Variants in SHROOM2 observed in about 807,000 individuals in gnomAD.
SHROOM2 encodes shroom family member 2.
A neutral mutation model predicts 75.9 loss-of-function variants in SHROOM2; 33 were observed. The observed-to-expected ratio is 0.43, with a 90% CI of 0.33 to 0.58. SHROOM2 has a LOEUF of 0.58. SHROOM2 is among the 20% of genes least tolerant of loss of function. The probability of loss-of-function intolerance (pLI) is 0.04; values close to 1 mark genes in which losing one functional copy is unlikely to be tolerated. For missense variants in SHROOM2, 1,434 were observed against 1,461.2 expected (o/e 0.98, Z 0.30); for synonymous variants, 655 against 663.6 (o/e 0.99, Z 0.20).
intron 1 of SHROOM2, 74 bp from the exon 2 acceptor site, chrX:9,873,578 G>A: frequency 8.8e-7 from 1 of 1,132,052 alleles, no homozygotes; most frequent in South Asian, 1.9e-5. Flanking sequence ...TATGTCTGCT[G>A]CGTTCCGAGG....
At chrX:9,877,238 A>G (rs2084205829) in intron 2 of SHROOM2, among the ~76,000 whole-genome samples, 1 of 111,319 alleles carries the variant, frequency 9.0e-6, no homozygotes, top group African/African-American at 3.3e-5. Flanking sequence ...TCCGCAGACA[A>G]ATGAGGGCCA....
chrX:9,890,946 G>A, intron 2 of SHROOM2, 31 bp from the exon 3 acceptor site: 1 of 1,176,925 alleles, frequency 8.5e-7, no homozygotes, highest in South Asian at 2.0e-5. Context: ...TGCAGTCCCT[G>A]ACCCCCCGCC....
chrX:9,818,904 A>G (rs1000386356), intron 1 of SHROOM2: 16 of 544,722 alleles, frequency 2.9e-5, no homozygotes, highest in East Asian at 1.0e-4. Flanking sequence ...CCTCAGTTGT[A>G]TCTTCCCCCC....
At chrX:9,806,085 G>A (rs1352908053) in intron 1 of SHROOM2, among the ~76,000 whole-genome samples, 3 of 110,869 alleles carry the variant, frequency 2.7e-5, no homozygotes, top group Non-Finnish European at 5.7e-5. Context: ...AATCCGCCAT[G>A]TCTTGACCTT....
chrX:9,859,815 C>T (rs1373422599), intron 1 of SHROOM2, among the ~76,000 whole-genome samples: 1 of 111,048 alleles, frequency 9.0e-6, no homozygotes, highest in Admixed American at 9.6e-5. Context: ...AATGCAGTGC[C>T]TCCCTCCCTC....
At chrX:9,805,166 A>C (rs1255863892) in intron 1 of SHROOM2, among the ~76,000 whole-genome samples, 1 of 110,515 alleles carries the variant, frequency 9.0e-6, no homozygotes, top group Non-Finnish European at 1.9e-5. Flanking sequence ...AATTGCTTGA[A>C]CCTGGGAGAC....
At chrX:9,809,480 A>G (rs1371180474) in intron 1 of SHROOM2, among the ~76,000 whole-genome samples, 1 of 111,719 alleles carries the variant, frequency 9.0e-6, no homozygotes, top group Non-Finnish European at 1.9e-5. Context: ...AATCAAGTTG[A>G]CACTCAGTAT....
chrX:9,936,784 A>T (rs2084712626), intron 6 of SHROOM2, among the ~76,000 whole-genome samples: 1 of 112,551 alleles, frequency 8.9e-6, no homozygotes, highest in African/African-American at 3.2e-5. Context: ...TTAACCCAAC[A>T]GGGCTTGTTG....
chrX:9,808,290 C>T (rs951370249), intron 1 of SHROOM2, among the ~76,000 whole-genome samples: 7 of 108,236 alleles, frequency 6.5e-5, no homozygotes, highest in Admixed American at 5.0e-4. Flanking sequence ...TGCGCTGTGG[C>T]TCACACCTGT....
intron 5 of SHROOM2, among the ~76,000 whole-genome samples, chrX:9,924,210 A>C (rs1397353752): frequency 3.6e-5 from 4 of 112,251 alleles, no homozygotes; most frequent in Admixed American, 1.9e-4. Context: ...CTGTGAGAAC[A>C]GCTGTGTCCT....
intron 5 of SHROOM2, among the ~76,000 whole-genome samples, chrX:9,914,517 G>A (rs990794738): frequency 2.7e-5 from 3 of 110,781 alleles, no homozygotes; most frequent in Non-Finnish European, 5.7e-5. Flanking sequence ...CCCTGTCCTC[G>A]GGCACTGATT....
At chrX:9,792,048 A>C (rs1159946465) in intron 1 of SHROOM2, among the ~76,000 whole-genome samples, 2 of 27,343 alleles carry the variant, frequency 7.3e-5, no homozygotes, top group Admixed American at 4.1e-4. Context: ...ATAGAATAGA[A>C]TAGAATAGAA....
At chrX:9,923,689 TG>T (rs1447417835) in intron 5 of SHROOM2, among the ~76,000 whole-genome samples, 1 of 112,201 alleles carries the variant, frequency 8.9e-6, no homozygotes, top group East Asian at 2.8e-4. Context: ...AATAGAGGCC[TG>T]GAACAGATCC....
intron 1 of SHROOM2, among the ~76,000 whole-genome samples, chrX:9,817,396 C>G (rs878945280): frequency 9.9e-5 from 11 of 110,691 alleles, no homozygotes; most frequent in Non-Finnish European, 1.1e-4. Context: ...TTCCCTGTTT[C>G]CCCCAAATAA....
At chrX:9,889,398 G>T (rs559699266) in intron 2 of SHROOM2, among the ~76,000 whole-genome samples, 1 of 112,292 alleles carries the variant, frequency 8.9e-6, no homozygotes, top group South Asian at 3.7e-4. Context: ...AAAGAGGCCC[G>T]CTTGAGCTCG....
intron 1 of SHROOM2, among the ~76,000 whole-genome samples, chrX:9,805,019 G>C (rs1259259239): frequency 9.2e-6 from 1 of 109,183 alleles, no homozygotes; most frequent in African/African-American, 3.3e-5. Flanking sequence ...TGGATCATTT[G>C]AGGTCAGGAG....
chrX:9,908,840 G>C (rs900887635), intron 5 of SHROOM2, among the ~76,000 whole-genome samples: 6 of 110,115 alleles, frequency 5.4e-5, no homozygotes, highest in Non-Finnish European at 1.1e-4. Context: ...AGTTATTTGG[G>C]AGGCTGGATT....
chrX:9,915,888 TAGAA>T (rs1341047862), intron 5 of SHROOM2, among the ~76,000 whole-genome samples: 1 of 112,066 alleles, frequency 8.9e-6, no homozygotes, highest in East Asian at 2.8e-4. Context: ...GCAATTGTGA[TAGAA>T]GGAAGATTGA....
chrX:9,894,686 GGC>G lies in SHROOM2; in HGVS notation c.779_780del (p.Gly260ValfsTer15). The part of the protein sequence containing the change: ...RQAQAAGDPQ[G>X]SEEKLSCFPP... ...GGCCCAGGCCGCAGGCGACCCTCAG[GGC>G]TCGGAGGAGAAGCTCAGTTGTTTCC... On this transcript the variant is annotated frameshift_variant, in exon 4 of 10. Transcript: ENST00000380913. LOFTEE classifies it high-confidence loss of function. The G allele has an allele frequency of 8.3e-7, 1 of 1,210,030 alleles. No homozygotes were observed.
Sources: allele counts gnomAD v4.1 joint callset (sites outside exome capture counted in the v4.1 genomes callset), GRCh38; gene constraint gnomAD v4.1.1; transcripts MANE v1.5; gene names NCBI Gene and HGNC (gene_info 2026-07-23, HGNC 2026-07-21).